LEF1: variants seen among roughly 807,000 people sequenced by gnomAD.
LEF1 encodes the protein lymphoid enhancer binding factor 1.
Under a neutral mutation model 51.2 loss-of-function variants are expected in LEF1, and 14 were observed. That is an observed-to-expected ratio of 0.27 (90% CI 0.18 to 0.43). The LOEUF (loss-of-function observed/expected upper bound fraction) is 0.43. Ranked by LOEUF, LEF1 falls within the 20% of genes least tolerant of loss-of-function variation. The pLI is 1.00. For synonymous variants in LEF1, 185 were observed against 183.2 expected (o/e 1.01, Z -0.08); for missense variants, 386 against 512.0 (o/e 0.75, Z 2.37).
At chr4:108,091,705 T>G (rs548116279) in intron 3 of LEF1, among the ~76,000 whole-genome samples, 11 of 152,252 alleles carry the variant, frequency 7.2e-5, no homozygotes, top group African/African-American at 2.4e-4. Context: ...TTTTCGAGTG[T>G]TAATGACACA....
At chr4:108,161,354 C>T (rs1286611598) in intron 3 of LEF1, among the ~76,000 whole-genome samples, 1 of 152,122 alleles carries the variant, frequency 6.6e-6, no homozygotes, top group African/African-American at 2.4e-5. Context: ...AAAATAAATA[C>T]ATCCTAATAT....
chr4:108,153,069 G>A (rs748416650), intron 3 of LEF1, among the ~76,000 whole-genome samples: 1 of 152,196 alleles, frequency 6.6e-6, no homozygotes, highest in Non-Finnish European at 1.5e-5. Context: ...GGTCACTAAA[G>A]TAGGAACTGC....
intron 3 of LEF1, among the ~76,000 whole-genome samples, chr4:108,104,852 G>A (rs190632281): frequency 6.6e-6 from 1 of 152,202 alleles, no homozygotes; most frequent in East Asian, 1.9e-4. Context: ...TGACAGCTAG[G>A]AGTTGGAGGT....
intron 3 of LEF1, among the ~76,000 whole-genome samples, chr4:108,126,002 TG>T (rs1246870856): frequency 6.6e-6 from 1 of 152,204 alleles, no homozygotes; most frequent in Non-Finnish European, 1.5e-5. Context: ...TAGATGTACA[TG>T]AAACAACTTT....
chr4:108,110,563 A>C (rs1307582688), intron 3 of LEF1, among the ~76,000 whole-genome samples: 1 of 152,186 alleles, frequency 6.6e-6, no homozygotes, highest in Non-Finnish European at 1.5e-5. Context: ...TACTCTCCTA[A>C]GAATGGTATC....
Position 108,163,665 on chromosome 4 carries a change from G to A in LEF1, c.317C>T (p.Pro106Leu), listed in dbSNP as rs76996680. 4.7e-4 allele frequency: 763 copies of A among 1,613,552 alleles called. 7 individuals carry two copies. In the East Asian group the frequency reaches 0.013, roughly 28 times the overall value. Residue 106 changes from proline (P) to leucine (L), a missense_variant, in exon 3 of 12, where the codon CCC (proline) becomes CTC (leucine). Physicochemically the swap from Pro to Leu is moderately conservative, Grantham distance 98 (BLOSUM62 -3). Coordinates refer to ENST00000265165, the MANE Select transcript of LEF1 (RefSeq NM_016269.5). Reference protein sequence around the residue: ...HPDGGLYNKGPSYSSYSGYIM... With the variant: ...HPDGGLYNKGLSYSSYSGYIM... ...GTACCCGGAATAACTCGAGTAGGAG[G>A]GTCCCTTGTTGTAGAGGCCTCCATC... is the stretch of plus-strand genomic sequence containing the variant.
In LEF1 at chr4:108,089,236, G is replaced by C. The variant is rs766355407; in HGVS notation, c.436C>G (p.Gln146Glu). The change falls in exon 4 of 12, where the codon CAG (glutamine) becomes GAG (glutamate). Residue 146 changes from glutamine (Q) to glutamate (E), a missense_variant. By Grantham distance (29) the Gln-to-Glu change is conservative (BLOSUM62 2). Coordinates refer to ENST00000265165, the MANE Select transcript of LEF1 (RefSeq NM_016269.5). Reference protein sequence around the residue: ...PRTSNKVPVVQPSHAVHPLTP... With the variant: ...PRTSNKVPVVEPSHAVHPLTP... ...AGAGGATGGACCGCATGGGATGGCT[G>C]CACCACGGGCACTTTATTTGACTGC... The C allele has an allele frequency of 1.5e-5, 24 of 1,613,758 alleles. No homozygotes were observed. The highest frequency in any genetic ancestry group is 2.0e-5 in the Non-Finnish European group (24 of 1,179,898).
At chr4:108,063,794 T>C (rs1301168058) in intron 10 of LEF1, 131 bp from the exon 11 acceptor site, 4 of 647,318 alleles carry the variant, frequency 6.2e-6, no homozygotes, top group Admixed American at 3.1e-5. Context: ...CCATTTTTAT[T>C]TGTGCAGTAC....
At chr4:108,123,211 G>C (rs1054660002) in intron 3 of LEF1, among the ~76,000 whole-genome samples, 1 of 152,048 alleles carries the variant, frequency 6.6e-6, no homozygotes, top group Admixed American at 6.6e-5. Context: ...TCTCAGCTTG[G>C]GGTCCTTCGG....
chr4:108,064,682 CACACACACACAAT>C (rs35039614), intron 9 of LEF1, among the ~76,000 whole-genome samples: 66,992 of 134,594 alleles, frequency 0.5, 16,766 homozygotes, highest in Middle Eastern at 0.7. Context: ...CACACACACA[CACACACACACAAT>C]GATGTCTTAG....
intron 11 of LEF1, among the ~76,000 whole-genome samples, chr4:108,059,262 C>A (rs969533741): frequency 6.6e-6 from 1 of 152,208 alleles, no homozygotes; most frequent in Non-Finnish European, 1.5e-5. Context: ...GCGGCCACTG[C>A]GCTGGCGCTG....
At chr4:108,107,550 TA>T (rs556664249) in intron 3 of LEF1, among the ~76,000 whole-genome samples, 5,390 of 147,722 alleles carry the variant, frequency 0.036, 299 homozygotes, top group African/African-American at 0.12. Flanking sequence ...AGCTGTCTTG[TA>T]AAAAAAAAAA....
At position 108,167,588 on chromosome 4, in the gene LEF1, C is replaced by G. The variant is rs1207767576; in HGVS notation, c.180G>C (p.Glu60Asp). ...CGTTGCTGGCCGGGATGATTTCAGA[C>G]TCGTTCACCAAGGAAGACTTGATGT... is the stretch of plus-strand genomic sequence containing the variant. ...LADIKSSLVN[E>D]SEIIPASNGH... Residue 60 changes from glutamate (E) to aspartate (D), a missense_variant, in exon 1 of 12, where the codon GAG becomes GAC. Coordinates refer to ENST00000265165, the MANE Select transcript of LEF1 (RefSeq NM_016269.5). The surrounding 1 kb of genome is among the most constrained non-coding windows in gnomAD (Gnocchi z 5.7). 1.2e-6 allele frequency: 2 copies of G among 1,614,096 alleles called. No individual in the cohort carries two copies. The highest frequency in any genetic ancestry group is 1.7e-6 in the Non-Finnish European group (2 of 1,180,040).
chr4:108,129,500 T>C (rs951042718), intron 3 of LEF1, among the ~76,000 whole-genome samples: 4 of 152,192 alleles, frequency 2.6e-5, no homozygotes, highest in African/African-American at 9.7e-5. Context: ...TGCATAAATT[T>C]TGAATGCTTT....
intron 3 of LEF1, among the ~76,000 whole-genome samples, chr4:108,110,666 G>A (rs975808644): frequency 1.3e-5 from 2 of 152,176 alleles, no homozygotes; most frequent in African/African-American, 2.4e-5. Context: ...CGACAAGACT[G>A]ACAGACCTGG....
chr4:108,155,615 C>A (rs987380220), intron 3 of LEF1, among the ~76,000 whole-genome samples: 1 of 152,232 alleles, frequency 6.6e-6, no homozygotes, highest in Admixed American at 6.5e-5. Flanking sequence ...CACTGACTTA[C>A]ACCATCTTAG....
intron 3 of LEF1, among the ~76,000 whole-genome samples, chr4:108,136,730 T>C (rs1462117627): frequency 6.6e-6 from 1 of 152,180 alleles, no homozygotes; most frequent in East Asian, 1.9e-4. Flanking sequence ...TGTCTTTTTC[T>C]TTAAAAAACA....
At chr4:108,127,867 T>C (rs1352173565) in intron 3 of LEF1, among the ~76,000 whole-genome samples, 2 of 152,104 alleles carry the variant, frequency 1.3e-5, no homozygotes, top group African/African-American at 4.8e-5. Flanking sequence ...AGGTCAGGGA[T>C]TGGGTGTTTG....
At chr4:108,135,461 C>T (rs1178476557) in intron 3 of LEF1, among the ~76,000 whole-genome samples, 1 of 152,242 alleles carries the variant, frequency 6.6e-6, no homozygotes, top group East Asian at 1.9e-4. Context: ...TGGAGATGTG[C>T]TTCCATCTAT....
Sources: allele counts gnomAD v4.1 joint callset (sites outside exome capture counted in the v4.1 genomes callset), GRCh38; gene constraint gnomAD v4.1.1; non-coding constraint Gnocchi (gnomAD v3.1); transcripts MANE v1.5; gene names NCBI Gene and HGNC (gene_info 2026-07-23, HGNC 2026-07-21).